The following UNC13B variants were observed in gnomAD, a reference collection of about 807,000 sequenced individuals.
UNC13B encodes the protein protein unc-13 homolog B.
A neutral mutation model predicts 211.0 loss-of-function variants in UNC13B; 144 were observed. That is an observed-to-expected ratio of 0.68 (90% CI 0.60 to 0.78). The LOEUF (loss-of-function observed/expected upper bound fraction) is 0.78, where lower values mean the gene tolerates loss of function less well. Ranked by LOEUF, UNC13B falls within the 30% of genes least tolerant of loss-of-function variation. The pLI is 0.00. For missense variants in UNC13B, 1,777 were observed against 2,002.0 expected (o/e 0.89, Z 2.14); for synonymous variants, 709 against 725.8 (o/e 0.98, Z 0.37).
chr9:35,353,058 C>T (rs1419647470), intron 11 of UNC13B: 3 of 1,232,080 alleles, frequency 2.4e-6, no homozygotes, highest in East Asian at 3.2e-5. Flanking sequence ...GACCTTTTGG[C>T]AGACAAGTCC....
At chr9:35,183,802 G>A (rs1822151393) in intron 1 of UNC13B, among the ~76,000 whole-genome samples, 1 of 129,550 alleles carries the variant, frequency 7.7e-6, no homozygotes, top group South Asian at 2.7e-4. Context: ...TCACATCCCA[G>A]ACGATGGGCG....
intron 1 of UNC13B, among the ~76,000 whole-genome samples, chr9:35,166,410 C>G (rs1821041281): frequency 6.6e-6 from 1 of 151,826 alleles, no homozygotes; most frequent in Non-Finnish European, 1.5e-5. Flanking sequence ...TAATACATTG[C>G]TAATTATAGA....
intron 23 of UNC13B, 142 bp from the exon 24 acceptor site, chr9:35,386,023 T>C: frequency 6.9e-7 from 1 of 1,455,560 alleles, no homozygotes; most frequent in Non-Finnish European, 9.2e-7. Flanking sequence ...CTGTCAACTA[T>C]CCTGGCAATT....
chr9:35,392,076 A>G (rs546104280), intron 26 of UNC13B, among the ~76,000 whole-genome samples: 1 of 152,200 alleles, frequency 6.6e-6, no homozygotes, highest in South Asian at 2.1e-4. Flanking sequence ...GGTCCAAACT[A>G]CTTAATTTTT....
At chr9:35,342,407 TG>T in intron 11 of UNC13B, 2 of 968,250 alleles carry the variant, frequency 2.1e-6, no homozygotes, top group Non-Finnish European at 2.5e-6. Flanking sequence ...AAAGCATTTG[TG>T]GGTGGAATAT....
At chr9:35,364,318 C>T (rs2132142643) in intron 11 of UNC13B, among the ~76,000 whole-genome samples, 1 of 152,234 alleles carries the variant, frequency 6.6e-6, no homozygotes, top group South Asian at 2.1e-4. Context: ...TAGTTTGGAA[C>T]ATCTCCAGGG....
At position 35,399,255 on chromosome 9, in the gene UNC13B, A is replaced by G; in HGVS notation, c.12169A>G (p.Ile4057Val). ...RVVMNTMERM[I>V]VLPPLTDQTG... ...GGTGATGAACACAATGGAGAGGATG[A>G]TTGTTCTGCCCCCACTCACTGACCA... is the stretch of plus-strand genomic sequence containing the variant. The change falls in exon 34 of 40, where the codon ATT (isoleucine) becomes GTT (valine). Residue 4057 changes from isoleucine (I) to valine (V), a missense_variant. Coordinates refer to ENST00000635942, the MANE Select transcript of UNC13B (RefSeq NM_001371189.2). The G allele has an allele frequency of 6.2e-7, 1 of 1,614,048 alleles. No homozygotes were observed. Among genetic ancestry groups the G allele is most frequent in the Non-Finnish European group, 8.5e-7 (1 of 1,179,996 alleles).
chr9:35,395,853 C>G (rs1483759778), intron 26 of UNC13B, among the ~76,000 whole-genome samples: 1 of 152,184 alleles, frequency 6.6e-6, no homozygotes, highest in Non-Finnish European at 1.5e-5. Context: ...TCCAAACTGA[C>G]TATTCATATT....
intron 11 of UNC13B, among the ~76,000 whole-genome samples, chr9:35,327,734 G>A (rs1239810450): frequency 6.6e-6 from 1 of 152,096 alleles, no homozygotes; most frequent in East Asian, 1.9e-4. Flanking sequence ...CTCCAGTCAG[G>A]TTGACACCTA....
rs371864387 is a variant in UNC13B at position 35,381,318 on chromosome 9, A to C, written c.10491+103A>C. On this transcript the variant is annotated intron_variant, in intron 19 of 39. Transcript: ENST00000635942. ...TGGTTGGAATCCGAGGCCCATTTTA[A>C]ATTTTATCCTTGATTCACTCTGTTA... 1,217 of 1,101,736 alleles carry C rather than the reference A, an allele frequency of 1.1e-3. 15 individuals carry two copies. In the South Asian group the frequency reaches 0.015, roughly 14 times the overall value. The allele number at this position is 1,101,736 out of a possible 1,614,324, so 68.2% of individuals were successfully genotyped here.
intron 1 of UNC13B, among the ~76,000 whole-genome samples, chr9:35,196,641 A>G (rs1029917743): frequency 6.6e-6 from 1 of 152,192 alleles, no homozygotes; most frequent in African/African-American, 2.4e-5. Flanking sequence ...TTTGTAATGA[A>G]TATTTCTTTT....
Position 35,399,697 on chromosome 9 carries a change from G to A in UNC13B, c.12304G>A (p.Ala4102Thr). The change falls in exon 36 of 40, where the codon GCA becomes ACA. Residue 4102 changes from alanine to threonine, a missense_variant. Transcript: ENST00000635942. Reference protein sequence around the residue: ...ETRNLTPKQCAVLDLALDTIK... With the variant: ...ETRNLTPKQCTVLDLALDTIK... Reference sequence around the variant, plus strand: ...ACGGAATCTCACTCCAAAGCAGTGTGCAGTCCTTGACCTCGCCCTGGACAC... The same window carrying A: ...ACGGAATCTCACTCCAAAGCAGTGTACAGTCCTTGACCTCGCCCTGGACAC... The A allele has an allele frequency of 6.2e-7, 1 of 1,614,164 alleles. No homozygotes were observed. The highest frequency in any genetic ancestry group is 1.3e-5 in the African/African-American group (1 of 75,034).
intron 1 of UNC13B, among the ~76,000 whole-genome samples, chr9:35,204,837 G>A (rs959660150): frequency 6.6e-6 from 1 of 152,204 alleles, no homozygotes; most frequent in African/African-American, 2.4e-5. Flanking sequence ...GCTGGAATGT[G>A]TTAAGACTTT....
chr9:35,169,804 G>A (rs956270606), intron 1 of UNC13B, among the ~76,000 whole-genome samples: 11 of 152,106 alleles, frequency 7.2e-5, no homozygotes, highest in African/African-American at 2.7e-4. Flanking sequence ...CTAAAAATGG[G>A]GTTTCTGAAA....
chr9:35,306,074 CA>C lies in UNC13B; in HGVS notation c.6677del (p.Lys2226ArgfsTer16). 2.5e-6 allele frequency: 1 copy of C among 398,674 alleles called. No homozygotes were observed. Among genetic ancestry groups the C allele is most frequent in the Non-Finnish European group, 4.4e-6 (1 of 225,952 alleles). The allele number at this position is 398,674 out of a possible 1,614,324, so 24.7% of individuals were successfully genotyped here. On this transcript the variant is annotated frameshift_variant, in exon 9 of 40. Coordinates refer to ENST00000635942, the MANE Select transcript of UNC13B (RefSeq NM_001371189.2). LOFTEE classifies it high-confidence loss of function. ...FSFFSLSFLD[Q>X]KKETSGEKQS... Reference sequence around the variant, plus strand: ...TTTCTTCAGCTTGTCCTTTTTGGATCAAAAAAAGGAGACCTCTGGGGAAAAA... The same window carrying C: ...TTTCTTCAGCTTGTCCTTTTTGGATCAAAAAAGGAGACCTCTGGGGAAAAA...
intron 1 of UNC13B, among the ~76,000 whole-genome samples, chr9:35,166,953 A>G (rs375356737): frequency 6.6e-6 from 1 of 152,334 alleles, no homozygotes; most frequent in East Asian, 1.9e-4. Flanking sequence ...AAGCTTGTCC[A>G]GCCTGTGGCA....
chr9:35,196,212 G>A (rs1355692826), intron 1 of UNC13B, among the ~76,000 whole-genome samples: 2 of 152,056 alleles, frequency 1.3e-5, no homozygotes, highest in African/African-American at 4.8e-5. Flanking sequence ...ATAAGAAATG[G>A]TGGTTATTGT....
chr9:35,287,243 C>T (rs1474506141), intron 7 of UNC13B, among the ~76,000 whole-genome samples: 2 of 151,944 alleles, frequency 1.3e-5, no homozygotes, highest in African/African-American at 4.8e-5. Flanking sequence ...AGTGATTCTC[C>T]TGCCTCAGTC....
intron 7 of UNC13B, 140 bp downstream of exon 7, chr9:35,259,190 C>G: frequency 1.1e-6 from 1 of 875,134 alleles, no homozygotes; most frequent in Non-Finnish European, 1.8e-6. Context: ...TCTGTTCAGG[C>G]GCCTTTCTCT....
Sources: allele counts gnomAD v4.1 joint callset (sites outside exome capture counted in the v4.1 genomes callset), GRCh38; gene constraint gnomAD v4.1.1; transcripts MANE v1.5; gene names NCBI Gene and HGNC (gene_info 2026-07-23, HGNC 2026-07-21).